KIF13B: variants seen among roughly 807,000 people sequenced by gnomAD.
KIF13B encodes kinesin family member 13B.
A neutral mutation model predicts 222.0 loss-of-function variants in KIF13B; 127 were observed. The ratio of observed to expected loss-of-function variants is 0.57; its 90% CI spans 0.50 to 0.66. KIF13B has a LOEUF of 0.66. KIF13B is among the 30% of genes least tolerant of loss of function. KIF13B has a pLI of 0.00. For synonymous variants in KIF13B, 976 were observed against 919.0 expected (o/e 1.06, Z -1.12); for missense variants, 2,173 against 2,379.0 (o/e 0.91, Z 1.80).
At position 29,167,499 on chromosome 8, in the gene KIF13B, C is replaced by T; in HGVS notation, c.1032G>A (p.Leu344=). The T allele has an allele frequency of 6.2e-7, 1 of 1,614,018 alleles. No homozygotes were observed. Among genetic ancestry groups the T allele is most frequent in the Non-Finnish European group, 8.5e-7 (1 of 1,179,874 alleles). Residue 344 remains leucine (L), a synonymous_variant, in exon 11 of 40, where the codon CTG becomes CTA. Coordinates refer to ENST00000524189, the MANE Select transcript of KIF13B (RefSeq NM_015254.4). ...ADNYDETLST[L]RYADRAKHIV... is the part of the protein sequence containing the mutation. ...TGTGCTTGGCTCGATCTGCATACCGCAGAGTTGAGAGGGTTTCATCATAGT... is the reference window on the plus strand; with the variant it reads ...TGTGCTTGGCTCGATCTGCATACCGTAGAGTTGAGAGGGTTTCATCATAGT...
intron 1 of KIF13B, chr8:29,249,837 CA>C (rs1424843607): frequency 9.0e-6 from 3 of 332,742 alleles, no homozygotes; most frequent in South Asian, 2.5e-5. Flanking sequence ...AACACAAACC[CA>C]AAAAAGGCAA....
At chr8:29,105,895 G>A (rs1809044308) in intron 35 of KIF13B, among the ~76,000 whole-genome samples, 1 of 151,924 alleles carries the variant, frequency 6.6e-6, no homozygotes, top group Non-Finnish European at 1.5e-5. Context: ...CTGACCTCAG[G>A]TGATCCACCT....
chr8:29,211,269 GAAC>G (rs1295333689), intron 2 of KIF13B, among the ~76,000 whole-genome samples: 2 of 152,358 alleles, frequency 1.3e-5, no homozygotes, highest in South Asian at 2.1e-4. Context: ...AGCCATGATA[GAAC>G]AACTGGTTCT....
At chr8:29,255,385 C>T (rs149055269) in intron 1 of KIF13B, among the ~76,000 whole-genome samples, 61 of 152,304 alleles carry the variant, frequency 4.0e-4, no homozygotes, top group African/African-American at 1.4e-3. Context: ...ACATTCACTA[C>T]TCAGAAGACC....
At chr8:29,146,786 G>C (rs565414621) in intron 17 of KIF13B, among the ~76,000 whole-genome samples, 1 of 152,158 alleles carries the variant, frequency 6.6e-6, no homozygotes, top group Non-Finnish European at 1.5e-5. Flanking sequence ...GCCCCTGTAT[G>C]CAGATCACCA....
intron 33 of KIF13B, 103 bp downstream of exon 33, chr8:29,109,815 C>T (rs1393609248): frequency 8.7e-7 from 1 of 1,154,146 alleles, no homozygotes; most frequent in Non-Finnish European, 1.2e-6. Flanking sequence ...AGAGTGAACT[C>T]TTCAAATGTT....
In KIF13B at chr8:29,070,783, G is replaced by A. The variant is rs765272541; in HGVS notation, c.5219-17C>T. On this transcript the variant is annotated splice_polypyrimidine_tract_variant and intron_variant, in intron 39 of 39. Coordinates refer to ENST00000524189, the MANE Select transcript of KIF13B (RefSeq NM_015254.4). This position sits in a 1 kb window ranked among gnomAD's most constrained non-coding sequence, Gnocchi z 4.1. ...CATTCTTACCTGCGGGGGAAGGAGA[G>A]GGTGATATGGAGGGCAGCCGAGCTG... The A allele has an allele frequency of 3.8e-6, 6 of 1,583,332 alleles. No homozygotes were observed. Among genetic ancestry groups the A allele is most frequent in the Non-Finnish European group, 5.1e-6 (6 of 1,165,556 alleles).
chr8:29,177,623 C>T (rs1812535780), intron 8 of KIF13B, 45 bp from the exon 9 acceptor site: 1 of 1,282,714 alleles, frequency 7.8e-7, no homozygotes, highest in African/African-American at 1.5e-5. Context: ...AACACAGGGC[C>T]AGGTGTGGTG....
Position 29,186,360 on chromosome 8 carries a change from ACT to A in KIF13B, c.427_428del (p.Ser143PhefsTer2). ...CCATGTAGGACACTTCTACTTTAAAACTCTGTTCTTCATTTTCCTCTTTCTGA... is the reference window on the plus strand; with the variant it reads ...CCATGTAGGACACTTCTACTTTAAAACTGTTCTTCATTTTCCTCTTTCTGA... ...RTQKEENEEQ[S>X]FKVEVSYMEI... On this transcript the variant is annotated frameshift_variant, in exon 6 of 40. Coordinates refer to ENST00000524189, the MANE Select transcript of KIF13B (RefSeq NM_015254.4). LOFTEE classifies it high-confidence loss of function. The A allele has an allele frequency of 6.2e-7, 1 of 1,613,042 alleles. No individual in the cohort carries two copies.
chr8:29,217,162 T>A (rs1194936463), intron 2 of KIF13B, among the ~76,000 whole-genome samples: 2 of 152,200 alleles, frequency 1.3e-5, no homozygotes, highest in African/African-American at 4.8e-5. Flanking sequence ...ACACACAGGC[T>A]GTGCTCCCCC....
At chr8:29,113,628 G>C (rs1162703375) in intron 31 of KIF13B, 73 bp from the exon 32 acceptor site, 1 of 842,730 alleles carries the variant, frequency 1.2e-6, no homozygotes, top group East Asian at 2.7e-5. Context: ...AAGACAGCAT[G>C]GAAAATACTG....
chr8:29,212,479 C>T (rs368351379), intron 2 of KIF13B, among the ~76,000 whole-genome samples: 2 of 152,112 alleles, frequency 1.3e-5, no homozygotes, highest in Non-Finnish European at 2.9e-5. Context: ...CTTCTAAAGA[C>T]GTGTTTAGAC....
chr8:29,110,147 A>C, intron 32 of KIF13B, 77 bp from the exon 33 acceptor site: 1 of 1,206,148 alleles, frequency 8.3e-7, no homozygotes, highest in Non-Finnish European at 1.2e-6. Flanking sequence ...ACACACAGAC[A>C]CACAGAACGT....
rs545516213 is a variant in KIF13B at position 29,192,288 on chromosome 8, C to T, written c.163-1231G>A. ...CAGTCCCCAACCATACACCAGTGCC[C>T]CCATTAGTCGGCAAGAGTTGAACTT... On this transcript the variant is annotated intron_variant, in intron 3 of 39. Coordinates refer to ENST00000524189, the MANE Select transcript of KIF13B (RefSeq NM_015254.4). 2.0e-5 allele frequency among the ~76,000 whole-genome samples: 3 copies of T among 152,316 alleles called. No homozygotes were observed. The East Asian group carries it at 5.8e-4, about 29-fold the overall frequency.
At chr8:29,224,696 C>A (rs572891636) in intron 2 of KIF13B, among the ~76,000 whole-genome samples, 1 of 149,354 alleles carries the variant, frequency 6.7e-6, no homozygotes, top group Admixed American at 6.7e-5. Context: ...CGTTAAGAAT[C>A]CCTATTCTAG....
chr8:29,122,177 C>G (rs927588558), intron 29 of KIF13B, among the ~76,000 whole-genome samples: 3 of 152,006 alleles, frequency 2.0e-5, no homozygotes, highest in Non-Finnish European at 4.4e-5. Flanking sequence ...CCGCTTGAAC[C>G]GGGGAGGTGG....
At position 29,246,828 on chromosome 8, in the gene KIF13B, G is replaced by A. The variant is rs566761063; in HGVS notation, c.56-1389C>T. On this transcript the variant is annotated intron_variant, in intron 1 of 39. Transcript: ENST00000524189. Reference sequence around the variant, plus strand: ...TTTATGGTCCATTGATTTTGACAACGATGCCAAAACAACCCAATGGAGAAA... The same window carrying A: ...TTTATGGTCCATTGATTTTGACAACAATGCCAAAACAACCCAATGGAGAAA... Among the ~76,000 whole-genome samples, 15 of 152,282 alleles carry A rather than the reference G, an allele frequency of 9.9e-5. No individual in the cohort carries two copies. The South Asian group carries it at 2.3e-3, about 23-fold the overall frequency.
chr8:29,148,932 T>G (rs556802679), intron 15 of KIF13B, among the ~76,000 whole-genome samples, 165 bp from the exon 16 acceptor site: 1 of 152,180 alleles, frequency 6.6e-6, no homozygotes, highest in Non-Finnish European at 1.5e-5. Flanking sequence ...AAGACACTCA[T>G]GTGCCAGCAA....
chr8:29,247,213 C>A (rs1816064375), intron 1 of KIF13B, among the ~76,000 whole-genome samples: 1 of 151,800 alleles, frequency 6.6e-6, no homozygotes, highest in Non-Finnish European at 1.5e-5. Context: ...AGTGAGACCC[C>A]CACGTCTAAA....
Sources: gnomAD v4.1 joint callset for allele counts (sites outside exome capture counted in the v4.1 genomes callset) on GRCh38, gnomAD v4.1.1 for gene constraint, Gnocchi (gnomAD v3.1) non-coding constraint, MANE v1.5 for transcripts, NCBI Gene and HGNC (gene_info 2026-07-23, HGNC 2026-07-21) for gene names.